Variants in HMGXB3 observed in about 807,000 individuals in gnomAD.
The protein encoded by HMGXB3 is HMG-box containing 3, also known as HMG domain-containing protein 3.
Under a neutral mutation model 121.5 loss-of-function variants are expected in HMGXB3, and 45 were observed. The observed-to-expected ratio is 0.37, with a 90% CI of 0.29 to 0.47. The LOEUF (loss-of-function observed/expected upper bound fraction) is 0.47. HMGXB3 is among the 20% of genes least tolerant of loss of function. The pLI, the probability that HMGXB3 is intolerant of heterozygous loss-of-function variation, is 0.99. For synonymous variants in HMGXB3, 590 were observed against 624.1 expected, an observed-to-expected ratio of 0.95 and a Z score of 0.81; for missense variants, 1,376 against 1,602.2, an observed-to-expected ratio of 0.86 and a Z score of 2.41.
chr5:150,020,803 G>A (rs1042317029), intron 6 of HMGXB3, among the ~76,000 whole-genome samples: 6 of 148,408 alleles, frequency 4.0e-5, no homozygotes, highest in Non-Finnish European at 7.4e-5. Context: ...TGGATAGCAC[G>A]ATCTCAGCTC....
chr5:150,012,213 ACT>A (rs1222485978), intron 4 of HMGXB3, 40 bp from the exon 5 acceptor site: 3 of 1,405,946 alleles, frequency 2.1e-6, no homozygotes, highest in African/African-American at 2.9e-5. Flanking sequence ...GTTCTTTATT[ACT>A]CTGTTTCAGT....
At chr5:150,022,492 C>T (rs951337662) in intron 6 of HMGXB3, among the ~76,000 whole-genome samples, 17 of 152,204 alleles carry the variant, frequency 1.1e-4, no homozygotes, top group African/African-American at 4.1e-4. Flanking sequence ...AAAGTAACAT[C>T]TAAAATGAGT....
chr5:150,021,675 G>T, intron 6 of HMGXB3: 1 of 522,268 alleles, frequency 1.9e-6, no homozygotes, highest in South Asian at 1.4e-5. Context: ...GTTGCTTGTG[G>T]ATTCTCCTAT....
chr5:150,052,069 A>G lies in HMGXB3; in HGVS notation c.3756A>G (p.Val1252=). Residue 1252 remains valine (V), a synonymous_variant, in exon 20 of 20, where the codon GTA becomes GTG. Transcript: ENST00000502717. The part of the protein sequence containing the change: ...EIVNRQIHDI[V]QSCQPGEVVI... Reference sequence around the variant, plus strand: ...TCAATCGTCAGATCCATGACATTGTACAGAGCTGCCAGCCTGGTGAGGTGG... The same window carrying G: ...TCAATCGTCAGATCCATGACATTGTGCAGAGCTGCCAGCCTGGTGAGGTGG... The G allele has an allele frequency of 6.4e-7, 1 of 1,551,908 alleles. No homozygotes were observed. Among genetic ancestry groups the G allele is most frequent in the South Asian group, 1.2e-5 (1 of 84,064 alleles).
At chr5:150,037,367 CTT>C in intron 12 of HMGXB3, 31 bp from the exon 13 acceptor site, 1 of 1,462,360 alleles carries the variant, frequency 6.8e-7, no homozygotes, top group Non-Finnish European at 9.2e-7. Flanking sequence ...TCTTTCCCTT[CTT>C]TTTTTTTGTT....
intron 16 of HMGXB3, among the ~76,000 whole-genome samples, 160 bp downstream of exon 16, chr5:150,045,845 GT>G (rs1756743162): frequency 6.6e-6 from 1 of 152,214 alleles, no homozygotes; most frequent in African/African-American, 2.4e-5. Flanking sequence ...ATCCCCTAGA[GT>G]TTAAAGTTGT....
Position 150,050,322 on chromosome 5 carries a change from C to T in HMGXB3, c.3272C>T (p.Ser1091Phe). Residue 1091 changes from serine (S) to phenylalanine (F), a missense_variant, in exon 19 of 20, where the codon TCC becomes TTC. By Grantham distance (155) the Ser-to-Phe change is radical. Transcript: ENST00000502717. ...GACCATGTGGACCTGCTTGCCTCTT[C>T]CCGCCACTGGCCGCCTGTCTATGTG... Reference protein sequence around the residue: ...ARDHVDLLASSRHWPPVYVVD... With the variant: ...ARDHVDLLASFRHWPPVYVVD... 1 of 1,551,842 alleles carries T rather than the reference C, an allele frequency of 6.4e-7. No individual in the cohort carries two copies. The highest frequency in any genetic ancestry group is 8.7e-7 in the Non-Finnish European group (1 of 1,147,026).
intron 3 of HMGXB3, among the ~76,000 whole-genome samples, chr5:150,009,594 A>G (rs1755783149): frequency 6.6e-6 from 1 of 152,136 alleles, no homozygotes. Context: ...TGCTGCCTTG[A>G]GTTTCATCTT....
chr5:150,007,972 A>G (rs939645508), intron 3 of HMGXB3, among the ~76,000 whole-genome samples: 18 of 151,232 alleles, frequency 1.2e-4, no homozygotes, highest in Non-Finnish European at 1.0e-4. Flanking sequence ...TGGGAGGATC[A>G]CTTGAGCCGG....
chr5:150,049,036 C>T (rs1756826276), intron 18 of HMGXB3, among the ~76,000 whole-genome samples: 1 of 152,130 alleles, frequency 6.6e-6, no homozygotes, highest in Non-Finnish European at 1.5e-5. Context: ...TAGATAAGGG[C>T]CTAAGATAGA....
At chr5:150,035,596 A>G (rs370629596) in intron 11 of HMGXB3, among the ~76,000 whole-genome samples, 3 of 152,174 alleles carry the variant, frequency 2.0e-5, no homozygotes, top group African/African-American at 7.2e-5. Context: ...CTGGTTGGGA[A>G]TCAGTAAATA....
At chr5:150,001,714 T>C (rs1478739676) in intron 1 of HMGXB3, among the ~76,000 whole-genome samples, 1 of 152,180 alleles carries the variant, frequency 6.6e-6, no homozygotes, top group Non-Finnish European at 1.5e-5. Context: ...TCGAGTCTGA[T>C]AACAAACTTG....
At chr5:150,034,639 T>C (rs995439770) in intron 11 of HMGXB3, among the ~76,000 whole-genome samples, 3 of 152,206 alleles carry the variant, frequency 2.0e-5, no homozygotes, top group Non-Finnish European at 4.4e-5. Context: ...TCTGCAGACC[T>C]TCCATCACTT....
At chr5:150,013,438 A>T (rs1212902984) in intron 5 of HMGXB3, among the ~76,000 whole-genome samples, 1 of 152,170 alleles carries the variant, frequency 6.6e-6, no homozygotes, top group African/African-American at 2.4e-5. Flanking sequence ...TTTGACAGTG[A>T]TGTAGTATCC....
At chr5:150,032,725 C>A in intron 11 of HMGXB3, 122 bp downstream of exon 11, 1 of 1,181,532 alleles carries the variant, frequency 8.5e-7, no homozygotes, top group East Asian at 2.6e-5. Flanking sequence ...CAAACTGAAC[C>A]AGTTGGTGGG....
intron 5 of HMGXB3, among the ~76,000 whole-genome samples, chr5:150,013,819 T>C (rs1435923524): frequency 6.6e-6 from 1 of 152,254 alleles, no homozygotes; most frequent in East Asian, 1.9e-4. Context: ...CTTATTACCC[T>C]GTAATAAACA....
intron 6 of HMGXB3, among the ~76,000 whole-genome samples, chr5:150,020,686 A>C (rs576102705): frequency 6.7e-6 from 1 of 149,540 alleles, no homozygotes; most frequent in East Asian, 2.0e-4. Flanking sequence ...CAGCTTCCTG[A>C]GTAGCTGGTA....
chr5:150,023,712 A>G (rs557316589), intron 6 of HMGXB3, among the ~76,000 whole-genome samples: 5 of 152,252 alleles, frequency 3.3e-5, no homozygotes, highest in African/African-American at 4.8e-5. Context: ...AGTGCAAAGT[A>G]TGTGACATAT....
rs187156146 is a variant in HMGXB3, at chr5:150,004,859, G to A, written c.7G>A (p.Ala3Thr). Residue 3 changes from alanine to threonine, a missense_variant, in exon 2 of 20, where the codon GCA becomes ACA. Ala to Thr is a moderately conservative substitution (Grantham distance 58). Transcript: ENST00000502717. The part of the protein sequence containing the change: MD[A>T]SYDGTEVTVV... Reference sequence around the variant, plus strand: ...ACTTTCCTTTCCTTTAGCCATGGACGCATCATATGATGGTACTGAGGTAAC... The same window carrying A: ...ACTTTCCTTTCCTTTAGCCATGGACACATCATATGATGGTACTGAGGTAAC... 4.8e-4 allele frequency: 745 copies of A among 1,548,370 alleles called. 5 individuals are homozygous for A. In the African/African-American group the frequency reaches 5.0e-3, roughly 10 times the overall value.
Sources: allele counts gnomAD v4.1 joint callset (sites outside exome capture counted in the v4.1 genomes callset), GRCh38; gene constraint gnomAD v4.1.1; transcripts MANE v1.5; gene names NCBI Gene and HGNC (gene_info 2026-07-23, HGNC 2026-07-21).